Variants in ARL9 observed in about 807,000 individuals in gnomAD.
The protein encoded by ARL9 is ADP-ribosylation factor-like protein 9.
In ARL9, 14 loss-of-function variants were observed where a neutral mutation model predicts 27.0. That is an observed-to-expected ratio of 0.52 (90% CI 0.34 to 0.81). ARL9 has a LOEUF of 0.81. ARL9 is among the 30% of genes least tolerant of loss of function. The probability of loss-of-function intolerance (pLI) is 0.01; values close to 1 mark genes in which losing one functional copy is unlikely to be tolerated. For synonymous variants in ARL9, 106 were observed against 108.7 expected (o/e 0.98, Z 0.15); for missense variants, 294 against 290.0 (o/e 1.01, Z -0.10).
At chr4:56,518,379 C>G (rs144333974) in intron 2 of ARL9, among the ~76,000 whole-genome samples, 1 of 152,142 alleles carries the variant, frequency 6.6e-6, no homozygotes, top group African/African-American at 2.4e-5. Flanking sequence ...CATGCAGTGG[C>G]TGACATGGCT....
At chr4:56,510,745 A>G (rs1182856819) in intron 1 of ARL9, among the ~76,000 whole-genome samples, 2 of 151,382 alleles carry the variant, frequency 1.3e-5, no homozygotes, top group Non-Finnish European at 2.9e-5. Context: ...TTTGTTCTAG[A>G]CGTATAAAAT....
chr4:56,505,869 AG>A lies in ARL9; in HGVS notation c.12del (p.Val6Ter). The A allele has an allele frequency of 7.9e-7, 1 of 1,269,906 alleles. No individual in the cohort carries two copies. The allele number at this position is 1,269,906 out of a possible 1,614,324, so 78.7% of individuals were successfully genotyped here. A position where few individuals can be genotyped will look rare whatever the true frequency, so the allele number is the denominator to read the frequency against. On this transcript the variant is annotated frameshift_variant, in exon 1 of 4. Transcript: ENST00000640821. LOFTEE classifies it high-confidence loss of function. The stretch of plus-strand genomic sequence containing the variant: ...GGAAACCGCGGCGCTGGGGATGGAG[AG>A]GGGGAAAGTGAAGAAGAAAGAGAAG... ME[R>X]GKVKKKEKEK... is the part of the protein sequence containing the mutation.
intron 2 of ARL9, 126 bp from the exon 3 acceptor site, chr4:56,518,552 C>T (rs760829968): frequency 7.3e-6 from 6 of 818,042 alleles, no homozygotes; most frequent in Non-Finnish European, 9.9e-6. Context: ...TACACTCTAA[C>T]ACGGTGATAT....
chr4:56,523,646 G>A (rs1476939727), intron 3 of ARL9, 51 bp from the exon 4 acceptor site: 1 of 1,467,738 alleles, frequency 6.8e-7, no homozygotes, highest in African/African-American at 1.4e-5. Flanking sequence ...TTATCTGAAA[G>A]GATTGCAAAA....
intron 3 of ARL9, among the ~76,000 whole-genome samples, chr4:56,521,025 C>T (rs1721901594): frequency 6.6e-6 from 1 of 152,106 alleles, no homozygotes; most frequent in Non-Finnish European, 1.5e-5. Flanking sequence ...GCCTGGCCAA[C>T]ATGGTGAAAC....
At chr4:56,506,208 G>C (rs1457358092) in intron 1 of ARL9, 67 bp downstream of exon 1, 2 of 1,230,058 alleles carry the variant, frequency 1.6e-6, no homozygotes, top group Non-Finnish European at 2.0e-6. Context: ...CCCCAGCGCT[G>C]TCTCTGTTAC....
In ARL9 at chr4:56,523,812, A is replaced by G. The variant is rs1393118945; in HGVS notation, c.734A>G (p.Glu245Gly). 6.2e-6 allele frequency: 10 copies of G among 1,614,038 alleles called. No homozygotes were observed. The highest frequency in any genetic ancestry group is 7.6e-6 in the Non-Finnish European group (9 of 1,179,900). ...ACCTACCTGACTAAGAATGGCTCAG[A>G]GATACCCTCCACCATGCAAGATGCC... ...FGTYLTKNGS[E>G]IPSTMQDAKD... Residue 245 changes from glutamate to glycine, a missense_variant, in exon 4 of 4, where the codon GAG (glutamate) becomes GGG (glycine). By Grantham distance (98) the Glu-to-Gly change is moderately conservative. Coordinates refer to ENST00000640821, the MANE Select transcript of ARL9 (RefSeq NM_001363794.2).
chr4:56,516,134 GA>G (rs1363872308), intron 2 of ARL9, among the ~76,000 whole-genome samples: 2 of 152,140 alleles, frequency 1.3e-5, no homozygotes, highest in Admixed American at 6.5e-5. Flanking sequence ...GTCCACTGGG[GA>G]AACTATTCAA....
At chr4:56,514,198 T>C (rs777609706) in intron 2 of ARL9, among the ~76,000 whole-genome samples, 1 of 152,100 alleles carries the variant, frequency 6.6e-6, no homozygotes, top group South Asian at 2.1e-4. Flanking sequence ...AATCTACTGA[T>C]CAAAACTAGC....
At chr4:56,510,527 T>A (rs1721607569) in intron 1 of ARL9, among the ~76,000 whole-genome samples, 1 of 151,946 alleles carries the variant, frequency 6.6e-6, no homozygotes, top group Admixed American at 6.6e-5. Context: ...CAAAATGAAT[T>A]CAGGTGCAGT....
In ARL9 at chr4:56,518,755, T is replaced by C. The variant is rs182525952; in HGVS notation, c.520T>C (p.Ser174Pro). ...KGLLLIFVVDSADHSRLPEAK... is the reference protein window; with the variant it reads ...KGLLLIFVVDPADHSRLPEAK... ...ATTGCTGCTGATCTTTGTGGTGGAT[T>C]CAGCAGATCACAGCCGATTACCTGA... The change falls in exon 3 of 4, where the codon TCA becomes CCA. Residue 174 changes from serine to proline, a missense_variant. By Grantham distance (74) the Ser-to-Pro change is moderately conservative. Coordinates refer to ENST00000640821, the MANE Select transcript of ARL9 (RefSeq NM_001363794.2). The C allele has an allele frequency of 3.7e-6, 6 of 1,614,012 alleles. No homozygotes were observed. In the African/African-American group the frequency reaches 5.3e-5, roughly 14 times the overall value.
At chr4:56,510,984 G>A (rs1195687619) in intron 1 of ARL9, among the ~76,000 whole-genome samples, 1 of 152,062 alleles carries the variant, frequency 6.6e-6, no homozygotes, top group Non-Finnish European at 1.5e-5. Context: ...TGTTGGCCAG[G>A]CTGGTCTGGA....
At chr4:56,519,250 T>C (rs1721850731) in intron 3 of ARL9, among the ~76,000 whole-genome samples, 1 of 152,180 alleles carries the variant, frequency 6.6e-6, no homozygotes, top group Non-Finnish European at 1.5e-5. Context: ...GGAACCCTTG[T>C]GCACTGTTGG....
intron 1 of ARL9, 149 bp downstream of exon 1, chr4:56,506,290 T>G (rs1721457795): frequency 2.3e-6 from 2 of 880,008 alleles, no homozygotes; most frequent in South Asian, 6.0e-5. Flanking sequence ...ATGAAAGAGA[T>G]GCGCCAAACT....
intron 2 of ARL9, among the ~76,000 whole-genome samples, chr4:56,511,895 AG>A (rs1314116269): frequency 6.6e-6 from 1 of 152,218 alleles, no homozygotes; most frequent in Non-Finnish European, 1.5e-5. Context: ...TTATCTATCC[AG>A]CCCAAACATA....
chr4:56,510,683 T>C (rs779925358), intron 1 of ARL9, among the ~76,000 whole-genome samples: 1 of 152,132 alleles, frequency 6.6e-6, no homozygotes, highest in Non-Finnish European at 1.5e-5. Context: ...GGATGTGAAA[T>C]TAGTATCACA....
intron 1 of ARL9, among the ~76,000 whole-genome samples, chr4:56,510,247 CG>C (rs1721597504): frequency 6.7e-6 from 1 of 150,166 alleles, no homozygotes. Context: ...CTCAGCTACT[CG>C]GGAGGCTGAG....
intron 2 of ARL9, among the ~76,000 whole-genome samples, chr4:56,512,538 C>CTTT (rs34744797): frequency 4.6e-5 from 6 of 130,064 alleles, no homozygotes; most frequent in African/African-American, 5.8e-5. Context: ...ATCAATCATT[C>CTTT]TTTTTTTTTT....
At chr4:56,519,122 C>T (rs972602956) in intron 3 of ARL9, among the ~76,000 whole-genome samples, 4 of 152,052 alleles carry the variant, frequency 2.6e-5, no homozygotes, top group African/African-American at 9.7e-5. Flanking sequence ...AAATTTGATT[C>T]AACAAAATAT....
Sources: allele counts gnomAD v4.1 joint callset (sites outside exome capture counted in the v4.1 genomes callset), GRCh38; gene constraint gnomAD v4.1.1; transcripts MANE v1.5; gene names NCBI Gene and HGNC (gene_info 2026-07-23, HGNC 2026-07-21).